Variants in GRM7 observed in about 807,000 individuals in gnomAD.
The protein encoded by GRM7 is metabotropic glutamate receptor 7.
In GRM7, 35 loss-of-function variants were observed where a neutral mutation model predicts 84.5. That is an observed-to-expected ratio of 0.41 (90% CI 0.32 to 0.55). The LOEUF (loss-of-function observed/expected upper bound fraction) is 0.55. GRM7 is among the 20% of genes least tolerant of loss of function. The pLI, the probability that GRM7 is intolerant of heterozygous loss-of-function variation, is 0.19. For missense variants in GRM7, 1,003 were observed against 1,194.6 expected (o/e 0.84, Z 2.36); for synonymous variants, 487 against 455.1 (o/e 1.07, Z -0.89).
At chr3:6,883,741 G>T (rs1250861097) in intron 1 of GRM7, among the ~76,000 whole-genome samples, 2 of 152,166 alleles carry the variant, frequency 1.3e-5, no homozygotes, top group Non-Finnish European at 2.9e-5. Flanking sequence ...AGTGGTTATG[G>T]GAGCAGGAAA....
chr3:6,945,511 C>A (rs933065665), intron 1 of GRM7, among the ~76,000 whole-genome samples: 1 of 151,926 alleles, frequency 6.6e-6, no homozygotes, highest in African/African-American at 2.4e-5. Context: ...TGAATAGTGC[C>A]GCAATAAACA....
Position 6,861,308 on chromosome 3 carries a change from C to A in GRM7, c.-81C>A. ...GCCCCTGGGCTTTCCCGGAGGAGCT[C>A]GCCCTGAAGGGCCCGGACCTCGGCG... is the stretch of plus-strand genomic sequence containing the variant. On this transcript the variant is annotated 5_prime_UTR_variant, in exon 1 of 10. Transcript: ENST00000357716. This position sits in a 1 kb window ranked among gnomAD's most constrained non-coding sequence, Gnocchi z 6.4. 1 of 1,276,634 alleles carries A rather than the reference C, an allele frequency of 7.8e-7. No homozygotes were observed. Among genetic ancestry groups the A allele is most frequent in the African/African-American group, 1.6e-5 (1 of 63,676 alleles). The allele number at this position is 1,276,634 out of a possible 1,614,324, so 79.1% of individuals were successfully genotyped here. A position where few individuals can be genotyped will look rare whatever the true frequency, so the allele number is the denominator to read the frequency against.
At chr3:7,366,893 AG>A (rs34843818) in intron 4 of GRM7, among the ~76,000 whole-genome samples, 151,900 of 151,900 alleles carry the variant, frequency 1, 75,950 homozygotes, top group Non-Finnish European at 1. Context: ...AGGAACTGGT[AG>A]AGATAAATTA....
At chr3:7,643,431 A>G (rs1367466877) in intron 8 of GRM7, among the ~76,000 whole-genome samples, 1 of 152,208 alleles carries the variant, frequency 6.6e-6, no homozygotes, top group African/African-American at 2.4e-5. Flanking sequence ...TTCCTCTAAA[A>G]TAAAGGTGGC....
In GRM7 at chr3:6,861,340, C is replaced by T; in HGVS notation, c.-49C>T. 6.9e-7 allele frequency: 1 copy of T among 1,448,864 alleles called. No individual in the cohort carries two copies. The highest frequency in any genetic ancestry group is 9.0e-7 in the Non-Finnish European group (1 of 1,108,734). The allele number at this position is 1,448,864 out of a possible 1,614,324, so 89.8% of individuals were successfully genotyped here. ...AAGGGCCCGGACCTCGGCGAGCCCA[C>T]CACCGTTCCCTCCAGCGCCGCCGCC... is the stretch of plus-strand genomic sequence containing the variant. On this transcript the variant is annotated 5_prime_UTR_variant, in exon 1 of 10. Transcript: ENST00000357716. This position sits in a 1 kb window ranked among gnomAD's most constrained non-coding sequence, Gnocchi z 6.4.
At chr3:7,243,522 G>A (rs577728481) in intron 2 of GRM7, among the ~76,000 whole-genome samples, 1 of 152,168 alleles carries the variant, frequency 6.6e-6, no homozygotes, top group African/African-American at 2.4e-5. Context: ...CTTTCCTAGA[G>A]TTTCTATAAA....
At chr3:7,067,972 T>C (rs1697727673) in intron 1 of GRM7, among the ~76,000 whole-genome samples, 1 of 151,962 alleles carries the variant, frequency 6.6e-6, no homozygotes, top group African/African-American at 2.4e-5. Flanking sequence ...CAGCCGAATA[T>C]TCAGAACAAC....
chr3:7,610,412 AATTACTCTTTCG>A (rs1313011743), intron 8 of GRM7, among the ~76,000 whole-genome samples: 1 of 152,180 alleles, frequency 6.6e-6, no homozygotes, highest in African/African-American at 2.4e-5. Flanking sequence ...CAAAGTAATT[AATTACTCTTTCG>A]ATGAAACAAC....
intron 2 of GRM7, among the ~76,000 whole-genome samples, chr3:7,283,965 A>G (rs1207891867): frequency 6.6e-6 from 1 of 152,214 alleles, no homozygotes; most frequent in Non-Finnish European, 1.5e-5. Flanking sequence ...TTTTAATTAA[A>G]AGTGCTGTCT....
At chr3:6,905,447 A>C (rs762050885) in intron 1 of GRM7, among the ~76,000 whole-genome samples, 30 of 152,292 alleles carry the variant, frequency 2.0e-4, no homozygotes, top group Admixed American at 3.9e-4. Flanking sequence ...TCTAGCCACC[A>C]TGTTAAGACT....
chr3:6,882,146 A>G (rs551760376), intron 1 of GRM7, among the ~76,000 whole-genome samples: 3 of 152,224 alleles, frequency 2.0e-5, no homozygotes, highest in African/African-American at 7.2e-5. Flanking sequence ...TGAAAGGTAT[A>G]GCATACCTAG....
At chr3:6,890,081 C>T (rs1221385423) in intron 1 of GRM7, among the ~76,000 whole-genome samples, 1 of 151,838 alleles carries the variant, frequency 6.6e-6, no homozygotes, top group Non-Finnish European at 1.5e-5. Context: ...TGGTGATATC[C>T]CCTTTATCAT....
intron 1 of GRM7, among the ~76,000 whole-genome samples, chr3:6,913,631 A>G (rs972469014): frequency 6.6e-6 from 1 of 152,226 alleles, no homozygotes; most frequent in Admixed American, 6.5e-5. Flanking sequence ...GGGTCTAGTT[A>G]TAATAAACCT....
Position 7,416,110 on chromosome 3 carries a change from G to T in GRM7, c.1174+947G>T, listed in dbSNP as rs561282505. ...GAGGAGTTTTTGTGTTTCTGAGGTTGTGAAAAACAGAAAAAACATGACTGA... is the reference window on the plus strand; with the variant it reads ...GAGGAGTTTTTGTGTTTCTGAGGTTTTGAAAAACAGAAAAAACATGACTGA... On this transcript the variant is annotated intron_variant, in intron 5 of 9. Coordinates refer to ENST00000357716, the MANE Select transcript of GRM7 (RefSeq NM_000844.4). Among the ~76,000 whole-genome samples the T allele has an allele frequency of 1.8e-4, 28 of 152,210 alleles. No individual in the cohort carries two copies. The South Asian group carries it at 5.6e-3, about 30-fold the overall frequency.
intron 7 of GRM7, among the ~76,000 whole-genome samples, chr3:7,544,996 T>A (rs1461719233): frequency 2.0e-5 from 3 of 152,224 alleles, no homozygotes; most frequent in Non-Finnish European, 4.4e-5. Context: ...ACAGGAAATA[T>A]GTATCTTGTT....
chr3:7,285,801 C>G (rs1381749141), intron 2 of GRM7, among the ~76,000 whole-genome samples: 1 of 152,058 alleles, frequency 6.6e-6, no homozygotes, highest in African/African-American at 2.4e-5. Context: ...TGCCTTTCCA[C>G]TGTTCTACTT....
intron 9 of GRM7, among the ~76,000 whole-genome samples, chr3:7,716,060 C>G (rs1246329039): frequency 6.6e-6 from 1 of 152,184 alleles, no homozygotes; most frequent in African/African-American, 2.4e-5. Context: ...CCCAAGGAAC[C>G]TATCACCTGT....
intron 7 of GRM7, among the ~76,000 whole-genome samples, chr3:7,474,106 T>C (rs369988540): frequency 1.1e-4 from 17 of 152,180 alleles, no homozygotes; most frequent in African/African-American, 3.4e-4. Flanking sequence ...ATGGCCATGA[T>C]AAAAAGTCAA....
chr3:7,424,215 G>C (rs1216881307), intron 5 of GRM7, among the ~76,000 whole-genome samples: 1 of 151,904 alleles, frequency 6.6e-6, no homozygotes, highest in South Asian at 2.1e-4. Context: ...GATAGAGGGC[G>C]CTCAACCGGT....
Sources: allele counts gnomAD v4.1 joint callset (sites outside exome capture counted in the v4.1 genomes callset), GRCh38; gene constraint gnomAD v4.1.1; non-coding constraint Gnocchi (gnomAD v3.1); transcripts MANE v1.5; gene names NCBI Gene and HGNC (gene_info 2026-07-23, HGNC 2026-07-21).